MIAT: variants seen among roughly 807,000 people sequenced by gnomAD.
The protein encoded by MIAT is MI related novel mRNA.
chr22:26,665,391 C>A (rs1483630835), intron 3 of MIAT: 4 of 398,046 alleles, frequency 1.0e-5, no homozygotes. Flanking sequence ...CCTTTGTACC[C>A]TCTAAGACGG....
chr22:26,672,659 A>G (rs1931092078), downstream of MIAT: 2 of 399,094 alleles, frequency 5.0e-6, no homozygotes, highest in Non-Finnish European at 8.8e-6. Flanking sequence ...ACAGGAAGTC[A>G]CGAGGGGGGC....
downstream of MIAT, chr22:26,673,175 C>T (rs1381399572): frequency 5.0e-6 from 2 of 398,534 alleles, no homozygotes. Context: ...CACAGGGTTC[C>T]CGCAGATGCT....
exon 4 of MIAT, chr22:26,666,724 G>A (rs1350135844): frequency 2.5e-6 from 1 of 398,672 alleles, no homozygotes; most frequent in Non-Finnish European, 4.4e-6. Flanking sequence ...GAGGTGGAGG[G>A]TGGGGTGCCT....
At chr22:26,659,794 A>G (rs1375971876) in intron 2 of MIAT, among the ~76,000 whole-genome samples, 1 of 150,494 alleles carries the variant, frequency 6.6e-6, no homozygotes, top group Non-Finnish European at 1.5e-5. Context: ...ACAAAAAAAA[A>G]AGAAAACTCC....
At chr22:26,673,698 G>A (rs1412860159), downstream of MIAT, 2 of 374,364 alleles carry the variant, frequency 5.3e-6, no homozygotes, top group African/African-American at 4.7e-5. Flanking sequence ...GTTTGAACTT[G>A]ACTAACACAG....
At chr22:26,657,142 G>C in intron 2 of MIAT, 1 of 194,244 alleles carries the variant, frequency 5.1e-6, no homozygotes, top group Non-Finnish European at 1.0e-5. Context: ...CTGCGCCCCT[G>C]GTCCGCGGTC....
intron 2 of MIAT, among the ~76,000 whole-genome samples, chr22:26,661,050 T>A (rs1930645664): frequency 6.6e-6 from 1 of 152,172 alleles, no homozygotes; most frequent in Non-Finnish European, 1.5e-5. Context: ...AGCCCCTGAG[T>A]CTTGTATGGA....
At chr22:26,655,195 T>C (rs1302094066) in intron 2 of MIAT, among the ~76,000 whole-genome samples, 1 of 152,168 alleles carries the variant, frequency 6.6e-6, no homozygotes, top group Non-Finnish European at 1.5e-5. Context: ...TAAAGCCTCC[T>C]TGGGACTCTC....
At chr22:26,664,098 G>T (rs544160037) in intron 3 of MIAT, among the ~76,000 whole-genome samples, 2 of 145,882 alleles carry the variant, frequency 1.4e-5, no homozygotes, top group African/African-American at 5.1e-5. Flanking sequence ...TGCAACCTCC[G>T]CCTGCTGGGT....
intron 2 of MIAT, among the ~76,000 whole-genome samples, chr22:26,661,339 A>C (rs1263792307): frequency 1.3e-5 from 2 of 152,096 alleles, no homozygotes; most frequent in South Asian, 2.1e-4. Flanking sequence ...TCCCTATCCC[A>C]TCCCACTCTG....
At chr22:26,660,461 C>CAAAAAAAAAAA (rs58234097) in intron 2 of MIAT, among the ~76,000 whole-genome samples, 1 of 107,182 alleles carries the variant, frequency 9.3e-6, no homozygotes, top group African/African-American at 3.7e-5. Context: ...GAGACTATCT[C>CAAAAAAAAAAA]AAAAAAAAAA....
At chr22:26,673,394 A>C (rs1374437499), downstream of MIAT, 2 of 398,720 alleles carry the variant, frequency 5.0e-6, no homozygotes, top group Non-Finnish European at 8.8e-6. Flanking sequence ...TCCCTGCCTC[A>C]CCCTGACTGC....
chr22:26,672,443 G>A, downstream of MIAT: 1 of 399,376 alleles, frequency 2.5e-6, no homozygotes, highest in South Asian at 1.3e-4. Flanking sequence ...GTGGGAGGCT[G>A]GACTCTGAGT....
At chr22:26,676,098 G>A (rs1931252590) in exon 5 of MIAT, 2 of 398,092 alleles carry the variant, frequency 5.0e-6, no homozygotes, top group East Asian at 3.6e-5. Flanking sequence ...CTCCCAATCC[G>A]AACAGGTGTT....
At chr22:26,669,800 T>C, downstream of MIAT, 1 of 398,812 alleles carries the variant, frequency 2.5e-6, no homozygotes. Context: ...TCGGAGGACA[T>C]ATGGAACTGG....
At chr22:26,665,021 G>A (rs2146011599) in intron 3 of MIAT, among the ~76,000 whole-genome samples, 1 of 152,270 alleles carries the variant, frequency 6.6e-6, no homozygotes, top group Admixed American at 6.5e-5. Context: ...CGGACTGCCT[G>A]AGGTTAGGAG....
At chr22:26,656,827 A>C (rs1448214168) in intron 2 of MIAT, among the ~76,000 whole-genome samples, 1 of 150,354 alleles carries the variant, frequency 6.7e-6, no homozygotes, top group Non-Finnish European at 1.5e-5. Flanking sequence ...GGACTGCTTG[A>C]ACCCAGGAGT....
At chr22:26,668,058 T>C in intron 5 of MIAT, 1 of 397,678 alleles carries the variant, frequency 2.5e-6, no homozygotes, top group Non-Finnish European at 4.4e-6. Flanking sequence ...GGGGGATCTC[T>C]GAACATGAGT....
downstream of MIAT, chr22:26,670,281 C>G (rs755946788): frequency 1.3e-5 from 5 of 398,400 alleles, no homozygotes; most frequent in Non-Finnish European, 1.8e-5. Context: ...CTTTCCCGTG[C>G]TAGCCATTTG....
Sources: gnomAD v4.1 joint callset for allele counts (sites outside exome capture counted in the v4.1 genomes callset) on GRCh38, gnomAD v4.1.1 for gene constraint, MANE v1.5 for transcripts, NCBI Gene and HGNC (gene_info 2026-07-23, HGNC 2026-07-21) for gene names.